Variants in TBC1D1 observed in about 807,000 individuals in gnomAD.
TBC1D1 encodes the protein TBC1 domain family member 1, also known as TBC1 (tre-2/USP6, BUB2, cdc16) domain family, member 1.
Under a neutral mutation model 125.6 loss-of-function variants are expected in TBC1D1, and 89 were observed. The observed-to-expected ratio is 0.71, with a 90% CI of 0.60 to 0.85. TBC1D1 has a LOEUF of 0.85. TBC1D1 is among the 40% of genes least tolerant of loss of function. The probability of loss-of-function intolerance (pLI) is 0.00; values close to 1 mark genes in which losing one functional copy is unlikely to be tolerated. For missense variants in TBC1D1, 1,377 were observed against 1,469.2 expected, an observed-to-expected ratio of 0.94 and a Z score of 1.03; for synonymous variants, 565 against 564.1, an observed-to-expected ratio of 1.00 and a Z score of -0.02.
At chr4:37,979,215 A>T (rs1054727750) in intron 2 of TBC1D1, among the ~76,000 whole-genome samples, 10 of 152,202 alleles carry the variant, frequency 6.6e-5, no homozygotes, top group Non-Finnish European at 1.3e-4. Context: ...ACAGCGGAAA[A>T]ACTATTAAAT....
At position 38,056,185 on chromosome 4, in the gene TBC1D1, G is replaced by C. The variant is rs962231356; in HGVS notation, c.2050+1847G>C. On this transcript the variant is annotated intron_variant, in intron 12 of 19. Transcript: ENST00000261439. ...GCCACACGGAAATGTGTTTGCATCT[G>C]TTTCCTGCCCTTCAGATGACAGAGG... Among the ~76,000 whole-genome samples, 4 of 152,204 alleles carry C rather than the reference G, an allele frequency of 2.6e-5. No individual in the cohort carries two copies. The East Asian group carries it at 5.8e-4, about 22-fold the overall frequency.
At chr4:38,065,846 C>T (rs974834988) in intron 12 of TBC1D1, among the ~76,000 whole-genome samples, 2 of 152,016 alleles carry the variant, frequency 1.3e-5, no homozygotes, top group Non-Finnish European at 1.5e-5. Context: ...GACAGGGTTT[C>T]GCCATGTTGG....
chr4:38,047,586 C>T (rs756036552), intron 10 of TBC1D1, among the ~76,000 whole-genome samples: 8 of 152,080 alleles, frequency 5.3e-5, no homozygotes, highest in East Asian at 1.9e-4. Context: ...AACCACACAC[C>T]GCCCCTTTCA....
intron 2 of TBC1D1, among the ~76,000 whole-genome samples, chr4:37,936,038 T>C (rs1724319934): frequency 6.6e-6 from 1 of 152,164 alleles, no homozygotes; most frequent in South Asian, 2.1e-4. Context: ...GGTATTCCTG[T>C]CACATGCTCC....
chr4:38,031,135 A>T lies in TBC1D1; in HGVS notation c.1302+3256A>T, dbSNP rs559943945. On this transcript the variant is annotated intron_variant, in intron 7 of 19. Coordinates refer to ENST00000261439, the MANE Select transcript of TBC1D1 (RefSeq NM_015173.4). ...CTCTGTTACTGGGTGAATATACTAA[A>T]TCCAAACTGATCATCTCAGGATAAG... Among the ~76,000 whole-genome samples, 8 of 152,350 alleles carry T rather than the reference A, an allele frequency of 5.3e-5. No homozygotes were observed. In the South Asian group the frequency reaches 1.7e-3, roughly 32 times the overall value.
At chr4:38,104,972 G>A (rs1052041731) in intron 15 of TBC1D1, among the ~76,000 whole-genome samples, 2 of 152,050 alleles carry the variant, frequency 1.3e-5, no homozygotes, top group African/African-American at 4.8e-5. Flanking sequence ...AGCCAGGATG[G>A]TCTCAATCTC....
intron 2 of TBC1D1, among the ~76,000 whole-genome samples, chr4:37,948,464 TG>T (rs748725065): frequency 6.6e-5 from 10 of 151,968 alleles, no homozygotes; most frequent in Non-Finnish European, 1.3e-4. Context: ...TTGTCTCTAC[TG>T]AAAATACGAA....
intron 2 of TBC1D1, among the ~76,000 whole-genome samples, chr4:37,911,797 C>A (rs1165537907): frequency 6.6e-6 from 1 of 152,028 alleles, no homozygotes; most frequent in Non-Finnish European, 1.5e-5. Context: ...TTCTGAATGC[C>A]ATATTTTCAG....
intron 2 of TBC1D1, among the ~76,000 whole-genome samples, chr4:37,949,013 A>G (rs933195779): frequency 2.0e-5 from 3 of 152,216 alleles, no homozygotes; most frequent in Admixed American, 2.0e-4. Context: ...TGTTTATCCA[A>G]TCGTCAGTTG....
At chr4:38,135,075 T>C (rs1050492292) in intron 19 of TBC1D1, among the ~76,000 whole-genome samples, 1 of 152,178 alleles carries the variant, frequency 6.6e-6, no homozygotes, top group Non-Finnish European at 1.5e-5. Flanking sequence ...ATGCCTCTCA[T>C]ATGTAAGAAT....
intron 2 of TBC1D1, among the ~76,000 whole-genome samples, chr4:38,008,486 A>G (rs1740804256): frequency 6.6e-6 from 1 of 152,230 alleles, no homozygotes; most frequent in Non-Finnish European, 1.5e-5. Context: ...CCAATTTGCC[A>G]TTTCACAACC....
At chr4:38,077,620 C>G (rs949266190) in intron 12 of TBC1D1, among the ~76,000 whole-genome samples, 1 of 146,844 alleles carries the variant, frequency 6.8e-6, no homozygotes, top group African/African-American at 2.5e-5. Context: ...GGTTCTTTCA[C>G]AAAACCTTAA....
chr4:37,967,518 G>A (rs571750048), intron 2 of TBC1D1, among the ~76,000 whole-genome samples: 1 of 150,988 alleles, frequency 6.6e-6, no homozygotes, highest in Admixed American at 6.6e-5. Flanking sequence ...AGATAAAAAA[G>A]AGAAATTATT....
intron 6 of TBC1D1, among the ~76,000 whole-genome samples, chr4:38,022,375 T>C (rs1560636353): frequency 6.6e-6 from 1 of 152,232 alleles, no homozygotes; most frequent in Non-Finnish European, 1.5e-5. Context: ...AAAGGGACTA[T>C]TTATTTTGCA....
At chr4:38,102,467 GAGA>G (rs781171475) in intron 14 of TBC1D1, among the ~76,000 whole-genome samples, 3 of 152,034 alleles carry the variant, frequency 2.0e-5, no homozygotes, top group Non-Finnish European at 4.4e-5. Context: ...TTTGAGAAGT[GAGA>G]AGAAGGGAGG....
chr4:38,031,273 A>C (rs1015676430), intron 7 of TBC1D1, among the ~76,000 whole-genome samples: 3 of 152,222 alleles, frequency 2.0e-5, no homozygotes, highest in Non-Finnish European at 4.4e-5. Flanking sequence ...GACTAGATAA[A>C]TCAAGTAGAT....
intron 12 of TBC1D1, among the ~76,000 whole-genome samples, chr4:38,076,278 A>G (rs1462685917): frequency 6.6e-6 from 1 of 152,192 alleles, no homozygotes; most frequent in Non-Finnish European, 1.5e-5. Flanking sequence ...CTAACTCACT[A>G]TCATGAGAAC....
At chr4:37,947,306 G>A (rs935269392) in intron 2 of TBC1D1, among the ~76,000 whole-genome samples, 12 of 152,012 alleles carry the variant, frequency 7.9e-5, no homozygotes, top group Admixed American at 1.3e-4. Context: ...ACAGGCGTGC[G>A]CCACCATGCC....
intron 2 of TBC1D1, among the ~76,000 whole-genome samples, chr4:37,954,390 T>TAA (rs60350507): frequency 1.4e-5 from 2 of 148,012 alleles, no homozygotes; most frequent in Non-Finnish European, 1.5e-5. Flanking sequence ...ATTCATTCAG[T>TAA]AAAAAAAAAA....
Sources: gnomAD v4.1 joint callset for allele counts (sites outside exome capture counted in the v4.1 genomes callset) on GRCh38, gnomAD v4.1.1 for gene constraint, MANE v1.5 for transcripts, NCBI Gene and HGNC (gene_info 2026-07-23, HGNC 2026-07-21) for gene names.